The following MAST2 variants were observed in gnomAD, a reference collection of about 807,000 sequenced individuals.
MAST2 encodes microtubule-associated serine/threonine-protein kinase 2.
Under a neutral mutation model 147.4 loss-of-function variants are expected in MAST2, and 70 were observed. That is an observed-to-expected ratio of 0.47 (90% CI 0.39 to 0.58). The LOEUF (loss-of-function observed/expected upper bound fraction) is 0.58, where lower values mean the gene tolerates loss of function less well. Among genes scored for constraint, MAST2 ranks in the 20% least tolerant of loss-of-function variants. The pLI is 0.00. For synonymous variants in MAST2, 869 were observed against 896.8 expected (o/e 0.97, Z 0.55); for missense variants, 2,080 against 2,302.3 (o/e 0.90, Z 1.98).
intron 5 of MAST2, among the ~76,000 whole-genome samples, chr1:45,960,904 A>G (rs992434512): frequency 6.6e-6 from 1 of 152,214 alleles, no homozygotes; most frequent in Non-Finnish European, 1.5e-5. Context: ...TAAGATGTGT[A>G]TATTCTCCAT....
chr1:45,941,387 G>A (rs954638092), intron 4 of MAST2, among the ~76,000 whole-genome samples: 2 of 152,118 alleles, frequency 1.3e-5, no homozygotes, highest in Non-Finnish European at 2.9e-5. Context: ...AGCCTCCCGA[G>A]TAGCTGGGAT....
chr1:45,974,636 G>T (rs1161947014), intron 5 of MAST2, among the ~76,000 whole-genome samples: 2 of 152,162 alleles, frequency 1.3e-5, no homozygotes, highest in Admixed American at 1.3e-4. Flanking sequence ...GGAAAGTGAG[G>T]TGATTAGCTG....
At chr1:45,878,145 A>G (rs1248923935) in intron 3 of MAST2, among the ~76,000 whole-genome samples, 2 of 150,942 alleles carry the variant, frequency 1.3e-5, no homozygotes, top group African/African-American at 4.9e-5. Context: ...CAGAGGGTGC[A>G]GTGAGCAGAG....
intron 10 of MAST2, 115 bp from the exon 11 acceptor site, chr1:46,019,481 G>A (rs1291738182): frequency 1.1e-5 from 8 of 751,698 alleles, no homozygotes; most frequent in African/African-American, 5.2e-5. Context: ...CTTGCTTTGC[G>A]GAGCTCTCTA....
At chr1:45,959,520 C>T in intron 5 of MAST2, 43 bp downstream of exon 5, 3 of 1,492,108 alleles carry the variant, frequency 2.0e-6, no homozygotes, top group Non-Finnish European at 2.8e-6. Flanking sequence ...AAAGAGTGGC[C>T]ACAGATGCCC....
chr1:45,846,449 A>C (rs1645438241), intron 3 of MAST2, among the ~76,000 whole-genome samples: 1 of 152,204 alleles, frequency 6.6e-6, no homozygotes, highest in Non-Finnish European at 1.5e-5. Context: ...TTTAGATGAA[A>C]AAGATTAAAC....
chr1:45,988,942 C>T (rs143782341), intron 5 of MAST2, among the ~76,000 whole-genome samples: 56 of 152,246 alleles, frequency 3.7e-4, no homozygotes, highest in African/African-American at 1.3e-3. Flanking sequence ...TCAGCCGTTT[C>T]TCCAAGAGGT....
At chr1:45,877,175 A>T (rs543661415) in intron 3 of MAST2, among the ~76,000 whole-genome samples, 1 of 152,308 alleles carries the variant, frequency 6.6e-6, no homozygotes, top group Admixed American at 6.5e-5. Flanking sequence ...TTGTGTGGTG[A>T]GTGCCTTCTT....
chr1:45,867,609 A>G (rs1305897999), intron 3 of MAST2, among the ~76,000 whole-genome samples: 1 of 152,198 alleles, frequency 6.6e-6, no homozygotes, highest in Non-Finnish European at 1.5e-5. Flanking sequence ...AAAAAGACCA[A>G]TTATGAGACT....
intron 5 of MAST2, among the ~76,000 whole-genome samples, chr1:45,987,173 A>T (rs1644658652): frequency 6.6e-6 from 1 of 152,170 alleles, no homozygotes; most frequent in Admixed American, 6.6e-5. Flanking sequence ...ATAATTGACA[A>T]AGTTGTTCTG....
At chr1:45,885,984 C>G (rs1481428609) in intron 4 of MAST2, among the ~76,000 whole-genome samples, 1 of 151,984 alleles carries the variant, frequency 6.6e-6, no homozygotes, top group Non-Finnish European at 1.5e-5. Context: ...ATTGTCTAGG[C>G]TGGGTGTGGT....
chr1:45,938,496 A>T (rs956991498), intron 4 of MAST2, among the ~76,000 whole-genome samples: 2 of 151,608 alleles, frequency 1.3e-5, no homozygotes, highest in Admixed American at 6.6e-5. Context: ...GCTAATTATT[A>T]TTTTTTTATT....
intron 4 of MAST2, chr1:45,917,385 T>TC: frequency 7.3e-7 from 1 of 1,366,630 alleles, no homozygotes. Context: ...GCACATGTTT[T>TC]CACCCACATC....
chr1:45,808,086 C>CGTTTCT, intron 1 of MAST2, among the ~76,000 whole-genome samples: 1 of 152,176 alleles, frequency 6.6e-6, no homozygotes, highest in Non-Finnish European at 1.5e-5. Flanking sequence ...TTTAAGAATA[C>CGTTTCT]GTTCTAATCA....
intron 1 of MAST2, among the ~76,000 whole-genome samples, chr1:45,814,820 G>T (rs528290170): frequency 6.6e-6 from 1 of 152,288 alleles, no homozygotes; most frequent in East Asian, 1.9e-4. Context: ...CTTGACCTTT[G>T]ATTTGTTGGT....
intron 11 of MAST2, among the ~76,000 whole-genome samples, chr1:46,020,242 C>T (rs11211250): frequency 0.032 from 4,855 of 152,270 alleles, 165 homozygotes; most frequent in South Asian, 0.15. Flanking sequence ...TTAGTCTTCC[C>T]TGGAAGGAAC....
At chr1:45,930,630 C>A (rs1655145115) in intron 4 of MAST2, among the ~76,000 whole-genome samples, 1 of 152,072 alleles carries the variant, frequency 6.6e-6, no homozygotes, top group African/African-American at 2.4e-5. Flanking sequence ...TTATTCACCC[C>A]TATTCAGTCA....
intron 3 of MAST2, among the ~76,000 whole-genome samples, chr1:45,829,817 G>A (rs893768065): frequency 2.0e-5 from 3 of 151,634 alleles, no homozygotes; most frequent in Non-Finnish European, 4.4e-5. Flanking sequence ...CTTCCAAGTA[G>A]CAGGGACTAC....
At chr1:45,917,583 A>G (rs1447154909) in intron 4 of MAST2, 2 of 1,316,018 alleles carry the variant, frequency 1.5e-6, no homozygotes, top group Non-Finnish European at 2.0e-6. Flanking sequence ...TTCTGGCCAA[A>G]TGGTAAAACG....
Sources: allele counts gnomAD v4.1 joint callset (sites outside exome capture counted in the v4.1 genomes callset), GRCh38; gene constraint gnomAD v4.1.1; transcripts MANE v1.5; gene names NCBI Gene and HGNC (gene_info 2026-07-23, HGNC 2026-07-21).